PRRG1: variants seen among roughly 807,000 people sequenced by gnomAD.
PRRG1 encodes the protein proline rich and Gla domain 1, also known as transmembrane gamma-carboxyglutamic acid protein 1.
A neutral mutation model predicts 11.8 loss-of-function variants in PRRG1; 5 were observed. That is an observed-to-expected ratio of 0.42 (90% CI 0.22 to 0.89). The LOEUF is 0.89. Ranked by LOEUF, PRRG1 falls within the 40% of genes least tolerant of loss-of-function variation. PRRG1 has a pLI of 0.28. For missense variants in PRRG1, 155 were observed against 166.1 expected (o/e 0.93, Z 0.37); for synonymous variants, 66 against 60.4 (o/e 1.09, Z -0.43).
intron 1 of PRRG1, among the ~76,000 whole-genome samples, chrX:37,388,056 A>G (rs1395861265): frequency 1.8e-5 from 2 of 112,067 alleles, no homozygotes; most frequent in African/African-American, 3.2e-5. Context: ...TTAAACCTCC[A>G]ACCTCCAAAA....
intron 1 of PRRG1, among the ~76,000 whole-genome samples, chrX:37,389,421 A>C (rs1388587313): frequency 9.0e-6 from 1 of 111,670 alleles, no homozygotes; most frequent in Non-Finnish European, 1.9e-5. Flanking sequence ...ACAAGGTTTA[A>C]TTGGGTCATG....
intron 3 of PRRG1, among the ~76,000 whole-genome samples, chrX:37,444,164 T>C (rs1933033439): frequency 8.9e-6 from 1 of 111,850 alleles, no homozygotes; most frequent in Admixed American, 9.5e-5. Flanking sequence ...CCTTTACTCT[T>C]CTAACTTGGT....
intron 1 of PRRG1, among the ~76,000 whole-genome samples, chrX:37,366,918 A>T (rs1369705162): frequency 3.6e-5 from 4 of 111,669 alleles, no homozygotes; most frequent in African/African-American, 1.3e-4. Context: ...TAGAAGGGCC[A>T]TACCAATTCT....
At chrX:37,411,202 T>C (rs1932342391) in intron 2 of PRRG1, among the ~76,000 whole-genome samples, 1 of 112,062 alleles carries the variant, frequency 8.9e-6, no homozygotes, top group Non-Finnish European at 1.9e-5. Context: ...TTAGGTTTTA[T>C]AAGTAATCTA....
At chrX:37,403,372 C>G (rs1329336857) in intron 1 of PRRG1, among the ~76,000 whole-genome samples, 1 of 105,214 alleles carries the variant, frequency 9.5e-6, no homozygotes, top group African/African-American at 3.5e-5. Context: ...AGTAAACTAT[C>G]GCAAGGACAG....
chrX:37,368,475 G>A (rs1329814131), intron 1 of PRRG1, among the ~76,000 whole-genome samples: 1 of 111,059 alleles, frequency 9.0e-6, no homozygotes, highest in African/African-American at 3.3e-5. Context: ...GTCTTCTGAT[G>A]GCCATTCTAG....
At chrX:37,436,282 T>G (rs1055972297) in intron 3 of PRRG1, among the ~76,000 whole-genome samples, 1 of 112,178 alleles carries the variant, frequency 8.9e-6, no homozygotes, top group South Asian at 3.8e-4. Flanking sequence ...TGCTATATTT[T>G]AGAAACTGAG....
chrX:37,393,933 A>T (rs184775285), intron 1 of PRRG1, among the ~76,000 whole-genome samples: 1 of 111,943 alleles, frequency 8.9e-6, no homozygotes, highest in Non-Finnish European at 1.9e-5. Context: ...CTAGGTGCCA[A>T]TTACACAACT....
intron 3 of PRRG1, among the ~76,000 whole-genome samples, chrX:37,450,919 G>T (rs1421622600): frequency 8.9e-6 from 1 of 112,490 alleles, no homozygotes; most frequent in African/African-American, 3.2e-5. Flanking sequence ...TTTTTTAAAT[G>T]ATGTAAACCA....
At chrX:37,448,195 C>T (rs192639906) in intron 3 of PRRG1, among the ~76,000 whole-genome samples, 213 of 112,364 alleles carry the variant, frequency 1.9e-3, no homozygotes, top group Non-Finnish European at 3.3e-3. Flanking sequence ...AGCAAAAGTA[C>T]GCTCCACACA....
chrX:37,439,133 G>C (rs367875268), intron 3 of PRRG1, among the ~76,000 whole-genome samples: 64 of 112,102 alleles, frequency 5.7e-4, no homozygotes, highest in African/African-American at 2.0e-3. Flanking sequence ...AGCTGAAACA[G>C]GAAATCTGTC....
At chrX:37,365,155 T>C (rs1212556510) in intron 1 of PRRG1, among the ~76,000 whole-genome samples, 1 of 109,997 alleles carries the variant, frequency 9.1e-6, no homozygotes, top group Non-Finnish European at 1.9e-5. Flanking sequence ...GACAAAAGAG[T>C]ATGTTTGGAA....
chrX:37,411,029 A>T (rs1932335555), intron 2 of PRRG1, among the ~76,000 whole-genome samples: 1 of 112,187 alleles, frequency 8.9e-6, no homozygotes, highest in Admixed American at 9.5e-5. Flanking sequence ...GTATAGACTC[A>T]CATAGCATTA....
chrX:37,349,977 G>A (rs1229654076), intron 1 of PRRG1, among the ~76,000 whole-genome samples: 2 of 105,533 alleles, frequency 1.9e-5, no homozygotes, highest in African/African-American at 7.0e-5. Context: ...TGACTGTTTT[G>A]TAGGCAGTGG....
At position 37,367,497 on chromosome X, in the gene PRRG1, A is replaced by G. The variant is rs181435618; in HGVS notation, c.-42+18102A>G. ...TGTTAACATTCAGCAGATCTCCTTC[A>G]TATCTCCAAGGGAACTTGGATCATG... On this transcript the variant is annotated intron_variant, in intron 1 of 3. Transcript: ENST00000378628. Among the ~76,000 whole-genome samples the G allele has an allele frequency of 2.1e-4, 19 of 91,887 alleles. No individual in the cohort carries two copies. The East Asian group carries it at 5.3e-3, about 25-fold the overall frequency. 79.8% of individuals were successfully genotyped at this position (91,887 alleles called of 115,157 possible).
chrX:37,398,811 G>C (rs2146567673), intron 1 of PRRG1, among the ~76,000 whole-genome samples: 1 of 111,577 alleles, frequency 9.0e-6, no homozygotes, highest in South Asian at 3.9e-4. Flanking sequence ...TGAAAGCCAA[G>C]GCTCGAGAAC....
chrX:37,428,989 C>G (rs1932800429), intron 3 of PRRG1, among the ~76,000 whole-genome samples: 1 of 112,633 alleles, frequency 8.9e-6, no homozygotes, highest in Non-Finnish European at 1.9e-5. Flanking sequence ...AAACCATGGG[C>G]CAAGCTGTAC....
chrX:37,449,250 A>C (rs1921028113), intron 3 of PRRG1, among the ~76,000 whole-genome samples: 2 of 111,444 alleles, frequency 1.8e-5, no homozygotes, highest in Admixed American at 1.9e-4. Context: ...GAGAAGCTGT[A>C]GGAGAGCTGT....
intron 3 of PRRG1, among the ~76,000 whole-genome samples, chrX:37,437,282 G>A (rs1312469868): frequency 9.0e-6 from 1 of 110,841 alleles, no homozygotes; most frequent in African/African-American, 3.3e-5. Context: ...TATTAATAAA[G>A]TAGTAGACTT....
Sources: gnomAD v4.1 joint callset for allele counts (sites outside exome capture counted in the v4.1 genomes callset) on GRCh38, gnomAD v4.1.1 for gene constraint, MANE v1.5 for transcripts, NCBI Gene and HGNC (gene_info 2026-07-23, HGNC 2026-07-21) for gene names.